Variants in TINAGL1 observed in about 807,000 individuals in gnomAD.
TINAGL1 encodes the protein tubulointerstitial nephritis antigen like 1, also known as tubulointerstitial nephritis antigen-like.
TINAGL1 carries 34 observed loss-of-function variants against 62.0 expected under a neutral mutation model. The ratio of observed to expected loss-of-function variants is 0.55; its 90% confidence interval spans 0.42 to 0.73. The LOEUF (loss-of-function observed/expected upper bound fraction) is 0.73, where lower values mean the gene tolerates loss of function less well. Among genes scored for constraint, TINAGL1 ranks in the 30% least tolerant of loss-of-function variants. The pLI, the probability that TINAGL1 is intolerant of heterozygous loss-of-function variation, is 0.00. For missense variants in TINAGL1, 516 were observed against 653.2 expected (o/e 0.79, Z 2.29); for synonymous variants, 221 against 249.7 (o/e 0.88, Z 1.08).
At position 31,587,322 on chromosome 1, in the gene TINAGL1, CT is replaced by C. The variant is rs937483688; in HGVS notation, c.*359del. 3,107 of 150,494 alleles carry C rather than the reference CT, an allele frequency of 0.021. 5 individuals are homozygous for C. Among genetic ancestry groups the C allele is most frequent in the Middle Eastern group, 0.028 (9 of 326 alleles). The allele number at this position is 150,494 out of a possible 1,614,324, so 9.3% of individuals were successfully genotyped here. Reference sequence around the variant, plus strand: ...CACTACCCCACCCCACTCCTGTATTCTTTTTTTTTTTTTTTTAGACAGGGTC... The same window carrying C: ...CACTACCCCACCCCACTCCTGTATTCTTTTTTTTTTTTTTTAGACAGGGTC... On this transcript the variant is annotated 3_prime_UTR_variant, in exon 12 of 12. Coordinates refer to ENST00000271064, the MANE Select transcript of TINAGL1 (RefSeq NM_022164.3).
At position 31,585,210 on chromosome 1, in the gene TINAGL1, C is replaced by T. The variant is rs1208603706; in HGVS notation, c.917C>T (p.Ala306Val). ...CGTGAACGAGACGAGGCTGGCCCTG[C>T]GCCCCCCTGTATGATGCACAGCCGA... Reference protein sequence around the residue: ...SGRERDEAGPAPPCMMHSRAM... With the variant: ...SGRERDEAGPVPPCMMHSRAM... Residue 306 changes from alanine (A) to valine (V), a missense_variant, in exon 8 of 12, where the codon GCG (alanine) becomes GTG (valine). Physicochemically the swap from Ala to Val is moderately conservative, Grantham distance 64. Transcript: ENST00000271064. The surrounding 1 kb of genome is among the most constrained non-coding windows in gnomAD (Gnocchi z 4.3). 1.7e-5 allele frequency: 28 copies of T among 1,610,912 alleles called. No individual in the cohort carries two copies. Among genetic ancestry groups the T allele is most frequent in the Admixed American group, 3.4e-5 (2 of 59,572 alleles).
chr1:31,583,306 C>G lies in TINAGL1; in HGVS notation c.467+65C>G. ...ATACTCATGCATGTATACACGCATG[C>G]TGTGCTGTGGGGCACGTCCAGCAGG... On this transcript the variant is annotated intron_variant, in intron 4 of 11. Coordinates refer to ENST00000271064, the MANE Select transcript of TINAGL1 (RefSeq NM_022164.3). The surrounding 1 kb of genome is among the most constrained non-coding windows in gnomAD (Gnocchi z 4.4). The G allele has an allele frequency of 6.5e-7, 1 of 1,545,404 alleles. No homozygotes were observed. The highest frequency in any genetic ancestry group is 8.9e-7 in the Non-Finnish European group (1 of 1,118,436).
chr1:31,581,619 A>T (rs1639247818), intron 3 of TINAGL1, among the ~76,000 whole-genome samples: 1 of 152,166 alleles, frequency 6.6e-6, no homozygotes, highest in Admixed American at 6.5e-5. Flanking sequence ...GTGGGATATG[A>T]GTCTGAAGCT....
At position 31,584,690 on chromosome 1, in the gene TINAGL1, C is replaced by T. The variant is rs753915872; in HGVS notation, c.595C>T (p.Pro199Ser). 1 of 1,613,698 alleles carries T rather than the reference C, an allele frequency of 6.2e-7. No individual in the cohort carries two copies. Among genetic ancestry groups the T allele is most frequent in the Non-Finnish European group, 8.5e-7 (1 of 1,180,036 alleles). The change falls in exon 6 of 12, where the codon CCA (proline) becomes TCA (serine). Residue 199 changes from proline to serine, a missense_variant. By Grantham distance (74) the Pro-to-Ser change is moderately conservative. Transcript: ENST00000271064. This position sits in a 1 kb window ranked among gnomAD's most constrained non-coding sequence, Gnocchi z 4.0. ...NMHEIYTVLN[P>S]GEVLPTAFEA... ...CTTTATCTTGCAGACAGTGCTGAAC[C>T]CAGGGGAGGTGCTTCCCACAGCCTT...
At chr1:31,579,151 T>C in intron 2 of TINAGL1, 53 bp from the exon 3 acceptor site, 10 of 1,501,882 alleles carry the variant, frequency 6.7e-6, no homozygotes, top group Non-Finnish European at 9.3e-6. Flanking sequence ...CCTGGCCAAT[T>C]AGCCCATCCT....
Position 31,587,069 on chromosome 1 carries a change from C to T in TINAGL1, c.*90C>T. 7.4e-7 allele frequency: 1 copy of T among 1,347,064 alleles called. No homozygotes were observed. Among genetic ancestry groups the T allele is most frequent in the East Asian group, 3.1e-5 (1 of 32,746 alleles). The allele number at this position is 1,347,064 out of a possible 1,614,324, so 83.4% of individuals were successfully genotyped here. ...ATGGGGCGGTGACCCCAGCCTCGCC[C>T]GACAGAGCCCGGGGCGCAGGCGGGC... On this transcript the variant is annotated 3_prime_UTR_variant, in exon 12 of 12. Coordinates refer to ENST00000271064, the MANE Select transcript of TINAGL1 (RefSeq NM_022164.3).
rs773709953 is a variant in TINAGL1 at position 31,577,709 on chromosome 1, G to A, written c.310+251G>A. On this transcript the variant is annotated intron_variant, in intron 2 of 11. Coordinates refer to ENST00000271064, the MANE Select transcript of TINAGL1 (RefSeq NM_022164.3). The surrounding 1 kb of genome is among the most constrained non-coding windows in gnomAD (Gnocchi z 5.4). ...CCAATCCTGTCTCTTTTCCAGACACGGAAGGTGCTGGCCGCACCTGCTGAC... is the reference window on the plus strand; with the variant it reads ...CCAATCCTGTCTCTTTTCCAGACACAGAAGGTGCTGGCCGCACCTGCTGAC... 2.1e-4 allele frequency: 113 copies of A among 533,108 alleles called. No individual in the cohort carries two copies. The highest frequency in any genetic ancestry group is 3.0e-4 in the Non-Finnish European group (93 of 305,182). The allele number at this position is 533,108 out of a possible 1,614,324, so 33.0% of individuals were successfully genotyped here.
At position 31,583,263 on chromosome 1, in the gene TINAGL1, C is replaced by T; in HGVS notation, c.467+22C>T. 6.2e-7 allele frequency: 1 copy of T among 1,610,468 alleles called. No individual in the cohort carries two copies. Among genetic ancestry groups the T allele is most frequent in the Non-Finnish European group, 8.5e-7 (1 of 1,176,732 alleles). On this transcript the variant is annotated intron_variant, in intron 4 of 11. Coordinates refer to ENST00000271064, the MANE Select transcript of TINAGL1 (RefSeq NM_022164.3). This position sits in a 1 kb window ranked among gnomAD's most constrained non-coding sequence, Gnocchi z 4.4. ...ATGGGTGAGAGGCCCTAGAGGCACCCTCAGTGGGCACACATGCATACTCAT... is the reference window on the plus strand; with the variant it reads ...ATGGGTGAGAGGCCCTAGAGGCACCTTCAGTGGGCACACATGCATACTCAT...
chr1:31,579,150 T>G, intron 2 of TINAGL1, 54 bp from the exon 3 acceptor site: 1 of 1,499,858 alleles, frequency 6.7e-7, no homozygotes, highest in Non-Finnish European at 9.3e-7. Flanking sequence ...ACCTGGCCAA[T>G]TAGCCCATCC....
In TINAGL1 at chr1:31,583,701, A is replaced by G; in HGVS notation, c.582+126A>G. 2.5e-6 allele frequency: 2 copies of G among 785,296 alleles called. No homozygotes were observed. Among genetic ancestry groups the G allele is most frequent in the Admixed American group, 4.5e-5 (2 of 44,650 alleles). 48.6% of individuals were successfully genotyped at this position (785,296 alleles called of 1,614,324 possible). A position where few individuals can be genotyped will look rare whatever the true frequency, so the allele number is the denominator to read the frequency against. The stretch of plus-strand genomic sequence containing the variant: ...CTACTACAAGGCTGTGTGTCCCTGG[A>G]CAAGTTACTCCCCTTCTCTGGGCCT... On this transcript the variant is annotated intron_variant, in intron 5 of 11. Coordinates refer to ENST00000271064, the MANE Select transcript of TINAGL1 (RefSeq NM_022164.3). This position sits in a 1 kb window ranked among gnomAD's most constrained non-coding sequence, Gnocchi z 4.4.
chr1:31,580,337 G>A, intron 3 of TINAGL1: 3 of 1,281,914 alleles, frequency 2.3e-6, no homozygotes, highest in Non-Finnish European at 3.0e-6. Flanking sequence ...GCCTGGACCT[G>A]TGTGGGCAGC....
intron 3 of TINAGL1, chr1:31,580,580 G>A (rs1212367903): frequency 7.8e-7 from 1 of 1,287,364 alleles, no homozygotes; most frequent in Non-Finnish European, 1.0e-6. Context: ...GACTCCTCTG[G>A]CCCTCCCCAG....
At position 31,584,466 on chromosome 1, in the gene TINAGL1, C is replaced by T. The variant is rs3738006; in HGVS notation, c.583-212C>T. On this transcript the variant is annotated intron_variant, in intron 5 of 11. Transcript: ENST00000271064. The surrounding 1 kb of genome is among the most constrained non-coding windows in gnomAD (Gnocchi z 4.0). ...ACTAGTCACCACCGCCACCCCGCCC[C>T]GCCCCACCACCTGATACCTGGGAGG... 128 of 631,850 alleles carry T rather than the reference C, an allele frequency of 2.0e-4. 1 individual carries two copies. The East Asian group carries it at 3.8e-3, about 19-fold the overall frequency. 39.1% of individuals were successfully genotyped at this position (631,850 alleles called of 1,614,324 possible).
In TINAGL1 at chr1:31,583,881, G is replaced by T. The variant is rs994991804; in HGVS notation, c.582+306G>T. 1.9e-5 allele frequency: 6 copies of T among 323,638 alleles called. No homozygotes were observed. The highest frequency in any genetic ancestry group is 3.5e-5 in the Non-Finnish European group (6 of 172,734). The allele number at this position is 323,638 out of a possible 1,614,324, so 20.0% of individuals were successfully genotyped here. A position where few individuals can be genotyped will look rare whatever the true frequency, so the allele number is the denominator to read the frequency against. ...GGGTTAGGGCCCAAGGGGACAGGGG[G>T]TCACCTTGGTATTTTGGGAAGGGAA... On this transcript the variant is annotated intron_variant, in intron 5 of 11. Transcript: ENST00000271064. The surrounding 1 kb of genome is among the most constrained non-coding windows in gnomAD (Gnocchi z 4.4).
In TINAGL1 at chr1:31,583,841, G is replaced by A; in HGVS notation, c.582+266G>A. 2.1e-6 allele frequency: 1 copy of A among 476,722 alleles called. No individual in the cohort carries two copies. Among genetic ancestry groups the A allele is most frequent in the Non-Finnish European group, 3.8e-6 (1 of 261,398 alleles). The allele number at this position is 476,722 out of a possible 1,614,324, so 29.5% of individuals were successfully genotyped here. A position where few individuals can be genotyped will look rare whatever the true frequency, so the allele number is the denominator to read the frequency against. ...TCTCCAGCCTGGGAAAAATGCTGTT[G>A]GTCTCAGTACAGCTGGGTTAGGGCC... On this transcript the variant is annotated intron_variant, in intron 5 of 11. Transcript: ENST00000271064. The surrounding 1 kb of genome is among the most constrained non-coding windows in gnomAD (Gnocchi z 4.4).
At chr1:31,579,568 T>C (rs1172346099) in intron 3 of TINAGL1, among the ~76,000 whole-genome samples, 1 of 151,904 alleles carries the variant, frequency 6.6e-6, no homozygotes, top group Non-Finnish European at 1.5e-5. Flanking sequence ...CTATTCCTGC[T>C]GTCACTGCAG....
chr1:31,583,679 C>A lies in TINAGL1; in HGVS notation c.582+104C>A. The A allele has an allele frequency of 1.0e-6, 1 of 982,294 alleles. No homozygotes were observed. Among genetic ancestry groups the A allele is most frequent in the Non-Finnish European group, 1.5e-6 (1 of 652,214 alleles). 60.8% of individuals were successfully genotyped at this position (982,294 alleles called of 1,614,324 possible). A position where few individuals can be genotyped will look rare whatever the true frequency, so the allele number is the denominator to read the frequency against. On this transcript the variant is annotated intron_variant, in intron 5 of 11. Transcript: ENST00000271064. The surrounding 1 kb of genome is among the most constrained non-coding windows in gnomAD (Gnocchi z 4.4). ...CTCCAAGGGCCTGGACCATCCCCTA[C>A]TACAAGGCTGTGTGTCCCTGGACAA... is the stretch of plus-strand genomic sequence containing the variant.
Position 31,587,362 on chromosome 1 carries a change from C to T in TINAGL1, c.*383C>T, listed in dbSNP as rs2148598003. On this transcript the variant is annotated 3_prime_UTR_variant, in exon 12 of 12. Transcript: ENST00000271064. ...TTAGACAGGGTCTTGCTCCGTTGCCCAGGTTGGAGTGCAGTGGCCCATCAG... is the reference window on the plus strand; with the variant it reads ...TTAGACAGGGTCTTGCTCCGTTGCCTAGGTTGGAGTGCAGTGGCCCATCAG... The T allele has an allele frequency of 6.2e-6, 1 of 161,410 alleles. No homozygotes were observed. Among genetic ancestry groups the T allele is most frequent in the Admixed American group, 6.4e-5 (1 of 15,544 alleles). The allele number at this position is 161,410 out of a possible 1,614,324, so 10.0% of individuals were successfully genotyped here.
rs753540392 is a variant in TINAGL1, at chr1:31,584,999, C to A, written c.820C>A (p.Arg274Ser). Residue 274 changes from arginine to serine, a missense_variant, in exon 7 of 12, where the codon CGT (arginine) becomes AGT (serine). Transcript: ENST00000271064. This position sits in a 1 kb window ranked among gnomAD's most constrained non-coding sequence, Gnocchi z 4.0. ...CCAGCAGCAGGGCTGCCGCGGTGGG[C>A]GTCTCGATGGTGCCTGGTGGTTCCT... ...THQQQGCRGG[R>S]LDGAWWFLRR... 6.2e-7 allele frequency: 1 copy of A among 1,610,074 alleles called. No individual in the cohort carries two copies. The highest frequency in any genetic ancestry group is 1.1e-5 in the South Asian group (1 of 90,908).
Sources: allele counts gnomAD v4.1 joint callset (sites outside exome capture counted in the v4.1 genomes callset), GRCh38; gene constraint gnomAD v4.1.1; non-coding constraint Gnocchi (gnomAD v3.1); transcripts MANE v1.5; gene names NCBI Gene and HGNC (gene_info 2026-07-23, HGNC 2026-07-21).